Variants in PSD3 observed in about 807,000 individuals in gnomAD.
PSD3 encodes the protein PH and SEC7 domain-containing protein 3.
A neutral mutation model predicts 105.5 loss-of-function variants in PSD3; 49 were observed. The observed-to-expected ratio is 0.46, with a 90% CI of 0.37 to 0.59. PSD3 has a LOEUF of 0.59. PSD3 is among the 20% of genes least tolerant of loss of function. The probability of loss-of-function intolerance (pLI) is 0.00; values close to 1 mark genes in which losing one functional copy is unlikely to be tolerated. For missense variants in PSD3, 1,561 were observed against 1,263.8 expected (o/e 1.24, Z -3.57); for synonymous variants, 557 against 457.8 (o/e 1.22, Z -2.77).
intron 11 of PSD3, among the ~76,000 whole-genome samples, chr8:18,608,829 A>G (rs1320435999): frequency 1.3e-5 from 2 of 152,180 alleles, no homozygotes; most frequent in Admixed American, 6.5e-5. Context: ...TTTGCATGCT[A>G]TACTCTCCAA....
chr8:18,890,372 A>G (rs1818710725), intron 2 of PSD3, among the ~76,000 whole-genome samples: 1 of 152,174 alleles, frequency 6.6e-6, no homozygotes, highest in Non-Finnish European at 1.5e-5. Context: ...ATTACCAGGT[A>G]CATCTAAATG....
chr8:19,021,276 G>A (rs1394700283), intron 1 of PSD3, among the ~76,000 whole-genome samples: 1 of 152,154 alleles, frequency 6.6e-6, no homozygotes, highest in African/African-American at 2.4e-5. Flanking sequence ...TCTGCGTTCT[G>A]CTCTCTCCCT....
intron 2 of PSD3, among the ~76,000 whole-genome samples, chr8:18,933,943 G>A (rs992751628): frequency 6.6e-6 from 1 of 152,152 alleles, no homozygotes; most frequent in Non-Finnish European, 1.5e-5. Context: ...GATATACTAC[G>A]AAACACATTC....
intron 1 of PSD3, among the ~76,000 whole-genome samples, chr8:19,026,296 G>C (rs780971323): frequency 2.6e-5 from 4 of 152,156 alleles, no homozygotes; most frequent in Non-Finnish European, 4.4e-5. Context: ...AGGAAGGATG[G>C]CCTTTTTGAC....
intron 9 of PSD3, among the ~76,000 whole-genome samples, chr8:18,669,945 A>G (rs1319163369): frequency 2.0e-5 from 3 of 152,234 alleles, no homozygotes; most frequent in Non-Finnish European, 4.4e-5. Flanking sequence ...TTATTTATTT[A>G]GGCATCGTGA....
At chr8:18,742,629 T>C (rs1292465463) in intron 9 of PSD3, among the ~76,000 whole-genome samples, 1 of 152,202 alleles carries the variant, frequency 6.6e-6, no homozygotes, top group East Asian at 1.9e-4. Flanking sequence ...CATCACCACC[T>C]AAAGATTAAA....
chr8:18,655,699 A>G lies in PSD3; in HGVS notation c.2173-14T>C, dbSNP rs1166530720. On this transcript the variant is annotated splice_polypyrimidine_tract_variant and intron_variant, in intron 9 of 15. Transcript: ENST00000327040. ...GTTGTACAGAGCCTGTAAAGAGAGA[A>G]AATGAGATCACATTATTCTTTCCAT... 9 of 1,609,682 alleles carry G rather than the reference A, an allele frequency of 5.6e-6. No homozygotes were observed. In the African/African-American group the frequency reaches 1.2e-4, roughly 22 times the overall value.
At chr8:18,822,860 G>C (rs1451635699) in intron 4 of PSD3, among the ~76,000 whole-genome samples, 1 of 152,112 alleles carries the variant, frequency 6.6e-6, no homozygotes. Context: ...ACCAGGTTCA[G>C]GTATTTTAAA....
chr8:18,797,284 T>C (rs10503636), intron 8 of PSD3, among the ~76,000 whole-genome samples: 52,868 of 152,066 alleles, frequency 0.35, 11,408 homozygotes, highest in Non-Finnish European at 0.49. Flanking sequence ...ATCCTGAATA[T>C]GACAGAGATT....
intron 11 of PSD3, among the ~76,000 whole-genome samples, chr8:18,602,854 C>T (rs1804534226): frequency 6.6e-6 from 1 of 152,124 alleles, no homozygotes; most frequent in South Asian, 2.1e-4. Flanking sequence ...GAGCTGGATG[C>T]TAATGAATGA....
chr8:18,673,643 G>A (rs534723452), intron 9 of PSD3, among the ~76,000 whole-genome samples: 37 of 152,248 alleles, frequency 2.4e-4, no homozygotes, highest in African/African-American at 7.9e-4. Context: ...TGGACACCAT[G>A]TCTTCTCTTT....
chr8:18,688,521 G>A (rs1034130346), intron 9 of PSD3, among the ~76,000 whole-genome samples: 2 of 152,162 alleles, frequency 1.3e-5, no homozygotes, highest in African/African-American at 4.8e-5. Context: ...TATTGTAACA[G>A]GGTCTTATTA....
chr8:18,799,250 A>G, intron 8 of PSD3, 45 bp downstream of exon 8: 1 of 1,500,284 alleles, frequency 6.7e-7, no homozygotes, highest in Non-Finnish European at 9.3e-7. Context: ...AAGCAGAGAT[A>G]AGCCCGACAT....
chr8:19,060,577 T>C lies in PSD3; in HGVS notation c.324+23629A>G, dbSNP rs146174409. On this transcript the variant is annotated intron_variant, in intron 1 of 1. Coordinates refer to the PSD3 transcript ENST00000521475. ...TGAGCCCAGGAGTTCAAGGCTACAG[T>C]GAGCCATGATTGCACCACTGCACTC... Among the ~76,000 whole-genome samples, 1,307 of 152,244 alleles carry C rather than the reference T, an allele frequency of 8.6e-3. 15 individuals carry two copies. The highest frequency in any genetic ancestry group is 0.03 in the African/African-American group (1,245 of 41,528).
chr8:18,776,351 A>T (rs1371643407), intron 8 of PSD3, among the ~76,000 whole-genome samples: 5 of 146,036 alleles, frequency 3.4e-5, no homozygotes, highest in Non-Finnish European at 7.5e-5. Context: ...ATAGTATAAA[A>T]ATATATATAT....
At chr8:18,663,440 CA>C (rs111745641) in intron 9 of PSD3, among the ~76,000 whole-genome samples, 3,695 of 125,688 alleles carry the variant, frequency 0.029, 101 homozygotes, top group East Asian at 0.15. Flanking sequence ...AACCAAAAAG[CA>C]AAAAAAAAAA....
At chr8:18,993,876 A>G (rs1305576430) in intron 1 of PSD3, among the ~76,000 whole-genome samples, 1 of 152,052 alleles carries the variant, frequency 6.6e-6, no homozygotes, top group African/African-American at 2.4e-5. Flanking sequence ...CAATTTGATT[A>G]TATCAATATA....
At position 18,872,410 on chromosome 8, in the gene PSD3, C is replaced by G. The variant is rs1250192031; in HGVS notation, c.454G>C (p.Ala152Pro). The G allele has an allele frequency of 6.2e-7, 1 of 1,614,168 alleles. No homozygotes were observed. The highest frequency in any genetic ancestry group is 8.5e-7 in the Non-Finnish European group (1 of 1,180,032). The change falls in exon 3 of 16, where the codon GCT (alanine) becomes CCT (proline). Residue 152 changes from alanine to proline, a missense_variant. Ala to Pro is a conservative substitution (Grantham distance 27, BLOSUM62 -1). Coordinates refer to ENST00000327040, the MANE Select transcript of PSD3 (RefSeq NM_015310.4). ...GCATCTTGGTCCAGTACCTTTGTAG[C>G]CTGTAATGTTCCGGAAATGATTCTG... The part of the protein sequence containing the change: ...EARIISGTLQ[A>P]TKVLDQDAVS...
intron 10 of PSD3, among the ~76,000 whole-genome samples, chr8:18,653,487 ACTCAATATTTG>A (rs1337856807): frequency 1.3e-5 from 2 of 152,138 alleles, no homozygotes; most frequent in Non-Finnish European, 2.9e-5. Context: ...GTTACATGAG[ACTCAATATTTG>A]CTCAGTCTTG....
Sources: allele counts gnomAD v4.1 joint callset (sites outside exome capture counted in the v4.1 genomes callset), GRCh38; gene constraint gnomAD v4.1.1; transcripts MANE v1.5; gene names NCBI Gene and HGNC (gene_info 2026-07-23, HGNC 2026-07-21).